The following TRAF3IP2 variants were observed in gnomAD, a reference collection of about 807,000 sequenced individuals.
TRAF3IP2 encodes the protein E3 ubiquitin ligase TRAF3IP2.
TRAF3IP2 carries 35 observed loss-of-function variants against 57.9 expected under a neutral mutation model. The ratio of observed to expected loss-of-function variants is 0.60; its 90% CI spans 0.46 to 0.80. The LOEUF (loss-of-function observed/expected upper bound fraction) is 0.80, where lower values mean the gene tolerates loss of function less well. Among genes scored for constraint, TRAF3IP2 ranks in the 30% least tolerant of loss-of-function variants. The pLI is 0.00. For synonymous variants in TRAF3IP2, 251 were observed against 268.9 expected (o/e 0.93, Z 0.65); for missense variants, 556 against 706.4 (o/e 0.79, Z 2.41).
At chr6:111,590,052 C>T (rs1796457073) in intron 2 of TRAF3IP2, among the ~76,000 whole-genome samples, 1 of 152,066 alleles carries the variant, frequency 6.6e-6, no homozygotes, top group Non-Finnish European at 1.5e-5. Context: ...TTTCCAGTGG[C>T]CTCAGCGGAG....
At position 111,592,038 on chromosome 6, in the gene TRAF3IP2, T is replaced by C. The variant is rs762285158; in HGVS notation, c.49A>G (p.Ser17Gly). ...TCTGGGATTGGTTTCAGCAACTGAC[T>C]TGGGTATGGTTCTGATTCATCAACC... Reference protein sequence around the residue: ...VEVDESEPYPSQLLKPIPEYS... With the variant: ...VEVDESEPYPGQLLKPIPEYS... The change falls in exon 2 of 9, where the codon AGT becomes GGT. Residue 17 changes from serine to glycine, a missense_variant. Ser to Gly is a moderately conservative substitution (Grantham distance 56). This residue lies in a region of TRAF3IP2 where 428 missense variants were observed against 498.7 expected (regional missense o/e 0.86). Coordinates refer to ENST00000368761, the MANE Select transcript of TRAF3IP2 (RefSeq NM_147686.4). The C allele has an allele frequency of 2.8e-5, 45 of 1,614,094 alleles. No homozygotes were observed. The East Asian group carries it at 1.0e-3, about 36-fold the overall frequency.
chr6:111,595,986 C>T (rs1019838922), intron 1 of TRAF3IP2, among the ~76,000 whole-genome samples: 3 of 152,102 alleles, frequency 2.0e-5, no homozygotes, highest in African/African-American at 7.2e-5. Context: ...CCAGGGCCTT[C>T]GTGCTTGTCG....
At chr6:111,567,782 A>C in intron 5 of TRAF3IP2, 90 bp from the exon 6 acceptor site, 1 of 998,336 alleles carries the variant, frequency 1.0e-6, no homozygotes, top group Non-Finnish European at 1.4e-6. Flanking sequence ...TATACATTTA[A>C]AGCTCCAAAA....
intron 2 of TRAF3IP2, among the ~76,000 whole-genome samples, chr6:111,585,020 AAGCTCCTTGCTTCCTT>A (rs1346103263): frequency 3.3e-5 from 5 of 152,160 alleles, no homozygotes; most frequent in East Asian, 1.9e-4. Context: ...TAATGACATC[AAGCTCCTTGCTTCCTT>A]AGCTCCTTGC....
At chr6:111,575,922 TC>T in intron 3 of TRAF3IP2, 101 bp from the exon 4 acceptor site, 2 of 1,091,532 alleles carry the variant, frequency 1.8e-6, no homozygotes, top group Non-Finnish European at 2.6e-6. Context: ...CAGTGGGCTC[TC>T]TCTCCTCTGC....
intron 8 of TRAF3IP2, among the ~76,000 whole-genome samples, chr6:111,560,065 G>A (rs3777909): frequency 0.28 from 42,865 of 152,098 alleles, 7,682 homozygotes; most frequent in East Asian, 0.53. Flanking sequence ...TCATGGAGTG[G>A]ATGTTCTGGT....
At chr6:111,580,074 C>T in intron 3 of TRAF3IP2, 123 bp downstream of exon 3, 1 of 1,136,798 alleles carries the variant, frequency 8.8e-7, no homozygotes, top group Non-Finnish European at 1.2e-6. Context: ...GGGCATTCCA[C>T]TATGTGACTT....
chr6:111,573,112 T>C, intron 4 of TRAF3IP2, 129 bp from the exon 5 acceptor site: 2 of 711,000 alleles, frequency 2.8e-6, no homozygotes, highest in South Asian at 1.9e-5. Context: ...TGGGGTGCTC[T>C]AAGAGCTTAT....
chr6:111,594,478 A>T (rs1233226953), intron 1 of TRAF3IP2: 9 of 451,118 alleles, frequency 2.0e-5, no homozygotes, highest in South Asian at 1.1e-4. Context: ...TTCTACCTAA[A>T]GAAAAAAAAA....
At position 111,572,910 on chromosome 6, in the gene TRAF3IP2, A is replaced by G. The variant is rs571096374; in HGVS notation, c.1275T>C (p.Asn425=). ...AAATACTTACTGCAGTTTGGAAGCC[A>G]TTTACCAACAAAAAGTTCACGAATT... is the stretch of plus-strand genomic sequence containing the variant. ...VVKFVNFLLV[N]GFQTAIDIFE... The change falls in exon 5 of 9, where the codon AAT becomes AAC. Residue 425 remains asparagine (N), a synonymous_variant. Transcript: ENST00000368761. 11 of 1,613,980 alleles carry G rather than the reference A, an allele frequency of 6.8e-6. No homozygotes were observed. The African/African-American group carries it at 1.3e-4, about 20-fold the overall frequency.
chr6:111,565,065 G>A (rs1440712709), intron 7 of TRAF3IP2, among the ~76,000 whole-genome samples: 1 of 152,154 alleles, frequency 6.6e-6, no homozygotes, highest in Non-Finnish European at 1.5e-5. Flanking sequence ...CAGAAGAGGA[G>A]GGAGCCTTAT....
chr6:111,561,150 C>A (rs1795423777), intron 8 of TRAF3IP2, among the ~76,000 whole-genome samples: 1 of 150,832 alleles, frequency 6.6e-6, no homozygotes, highest in Admixed American at 6.6e-5. Context: ...CCACTGCACT[C>A]CAGCCTGGGC....
chr6:111,575,955 G>T, intron 3 of TRAF3IP2, 134 bp from the exon 4 acceptor site: 1 of 837,270 alleles, frequency 1.2e-6, no homozygotes, highest in Non-Finnish European at 1.8e-6. Flanking sequence ...AACTGAGACA[G>T]AAGGAAGAGG....
chr6:111,594,809 G>T (rs1038341078), intron 1 of TRAF3IP2, among the ~76,000 whole-genome samples: 1 of 152,242 alleles, frequency 6.6e-6, no homozygotes, highest in Admixed American at 6.5e-5. Context: ...CAGCTACTTG[G>T]GAGGCTGAGG....
At chr6:111,605,491 G>A (rs1361635215) in intron 1 of TRAF3IP2, among the ~76,000 whole-genome samples, 1 of 152,240 alleles carries the variant, frequency 6.6e-6, no homozygotes, top group Non-Finnish European at 1.5e-5. Flanking sequence ...TGGTTCCCAG[G>A]CAGCTCCGAG....
chr6:111,582,369 G>A (rs1796194293), intron 2 of TRAF3IP2, among the ~76,000 whole-genome samples: 1 of 152,152 alleles, frequency 6.6e-6, no homozygotes, highest in East Asian at 1.9e-4. Flanking sequence ...GTCATGACAA[G>A]TAGTAGGGGT....
intron 2 of TRAF3IP2, among the ~76,000 whole-genome samples, chr6:111,581,674 G>C (rs1034839168): frequency 1.3e-5 from 2 of 152,222 alleles, no homozygotes; most frequent in East Asian, 3.9e-4. Context: ...AGCTGAGAAT[G>C]TGGATAAAAA....
At chr6:111,587,152 G>C (rs1796364615) in intron 2 of TRAF3IP2, 1 of 152,082 alleles carries the variant, frequency 6.6e-6, no homozygotes, top group Non-Finnish European at 1.5e-5. Context: ...GGGCGAGCTT[G>C]CCTTCTATAT....
chr6:111,587,381 C>T (rs1316020282), intron 2 of TRAF3IP2, among the ~76,000 whole-genome samples: 1 of 151,946 alleles, frequency 6.6e-6, no homozygotes, highest in East Asian at 1.9e-4. Flanking sequence ...TCAGCCTCCC[C>T]GAGTAGCTGG....
Sources: allele counts gnomAD v4.1 joint callset (sites outside exome capture counted in the v4.1 genomes callset), GRCh38; gene constraint gnomAD v4.1.1; regional missense constraint gnomAD v4.1.1; transcripts MANE v1.5; gene names NCBI Gene and HGNC (gene_info 2026-07-23, HGNC 2026-07-21).